Variants in ANK1 observed in about 807,000 individuals in gnomAD.
ANK1 encodes the protein ankyrin-1.
Under a neutral mutation model 210.4 loss-of-function variants are expected in ANK1, and 51 were observed. The observed-to-expected ratio is 0.24, with a 90% CI of 0.19 to 0.31. The LOEUF (loss-of-function observed/expected upper bound fraction) is 0.31, where lower values mean the gene tolerates loss of function less well. Ranked by LOEUF, ANK1 falls within the 10% of genes least tolerant of loss-of-function variation. ANK1 has a pLI of 1.00. For missense variants in ANK1, 2,051 were observed against 2,504.4 expected (o/e 0.82, Z 3.86); for synonymous variants, 967 against 1,025.9 (o/e 0.94, Z 1.10).
chr8:41,813,825 C>T (rs746166552), intron 1 of ANK1, among the ~76,000 whole-genome samples: 66 of 152,160 alleles, frequency 4.3e-4, no homozygotes, highest in Non-Finnish European at 1.3e-4. Flanking sequence ...AAGTGACATT[C>T]CTTACCCACC....
At chr8:41,745,194 C>G (rs551127313) in intron 2 of ANK1, among the ~76,000 whole-genome samples, 1 of 151,956 alleles carries the variant, frequency 6.6e-6, no homozygotes, top group African/African-American at 2.4e-5. Context: ...AGGAAGGAGG[C>G]ACAGAGAGAG....
chr8:41,715,671 G>C lies in ANK1; in HGVS notation c.1583C>G (p.Ser528Cys). The C allele has an allele frequency of 6.2e-7, 1 of 1,613,674 alleles. No homozygotes were observed. Among genetic ancestry groups the C allele is most frequent in the Non-Finnish European group, 8.5e-7 (1 of 1,179,994 alleles). ...TVLALLEKEASQACMTKKGFT... is the reference protein window; with the variant it reads ...TVLALLEKEACQACMTKKGFT... Reference sequence around the variant, plus strand: ...CTGTACCTTGGTCATGCAGGCCTGGGATGCTTCCTTTTCCAGAAGGGCCAG... The same window carrying C: ...CTGTACCTTGGTCATGCAGGCCTGGCATGCTTCCTTTTCCAGAAGGGCCAG... Residue 528 changes from serine (S) to cysteine (C), a missense_variant, in exon 14 of 43, where the codon TCC becomes TGC. Physicochemically the swap from Ser to Cys is moderately radical, Grantham distance 112. This residue lies in a region of ANK1 where 1,413 missense variants were observed against 1,707.4 expected (regional missense o/e 0.83). Transcript: ENST00000289734.
At chr8:41,757,124 A>G (rs1839347821) in intron 2 of ANK1, among the ~76,000 whole-genome samples, 1 of 152,218 alleles carries the variant, frequency 6.6e-6, no homozygotes, top group East Asian at 1.9e-4. Flanking sequence ...TGATGATTAC[A>G]GGATAATATG....
intron 26 of ANK1, 22 bp downstream of exon 26, chr8:41,696,341 C>G: frequency 6.2e-7 from 1 of 1,611,720 alleles, no homozygotes; most frequent in East Asian, 2.2e-5. Context: ...GGGGAGAACA[C>G]GGGCTGCCCG....
At chr8:41,744,874 T>C (rs872844) in intron 2 of ANK1, among the ~76,000 whole-genome samples, 78,023 of 152,062 alleles carry the variant, frequency 0.51, 21,604 homozygotes, top group East Asian at 0.77. Flanking sequence ...AGCATGGCCA[T>C]ATGGCCATGA....
chr8:41,824,563 G>A (rs925348893), intron 1 of ANK1, among the ~76,000 whole-genome samples: 33 of 152,234 alleles, frequency 2.2e-4, no homozygotes, highest in Admixed American at 2.1e-3. Flanking sequence ...CTGTGATTAA[G>A]CAAAACGGTG....
chr8:41,715,956 C>G, intron 13 of ANK1, 107 bp from the exon 14 acceptor site: 2 of 1,273,398 alleles, frequency 1.6e-6, no homozygotes, highest in Non-Finnish European at 2.2e-6. Context: ...AAGTGACCTT[C>G]TCAAGGTCAC....
rs568187235 is a variant in ANK1 at position 41,778,998 on chromosome 8, G to A, written c.27+18514C>T. 2.1e-4 allele frequency among the ~76,000 whole-genome samples: 32 copies of A among 152,276 alleles called. No individual in the cohort carries two copies. In the South Asian group the frequency reaches 3.7e-3, roughly 18 times the overall value. On this transcript the variant is annotated intron_variant, in intron 1 of 42. Coordinates refer to ENST00000289734, the MANE Select transcript of ANK1 (RefSeq NM_000037.4). ...GTGAGTGCTAAGAGGAAAATCAAAC[G>A]TGGAGTGGGGATGGAGAGGGCTGTG...
chr8:41,880,376 G>A (rs972642064), intron 1 of ANK1, among the ~76,000 whole-genome samples: 5 of 152,204 alleles, frequency 3.3e-5, no homozygotes, highest in African/African-American at 7.2e-5. Flanking sequence ...AATGGAACAC[G>A]GAAGAGGGAA....
intron 39 of ANK1, chr8:41,665,250 C>T: frequency 6.6e-7 from 1 of 1,510,092 alleles, no homozygotes; most frequent in South Asian, 1.2e-5. Flanking sequence ...GCCCTTCTGC[C>T]CAGCAGCCAG....
intron 1 of ANK1, among the ~76,000 whole-genome samples, chr8:41,763,869 C>T (rs13265346): frequency 0.2 from 17,148 of 86,540 alleles, 2,007 homozygotes; most frequent in Non-Finnish European, 0.23. Flanking sequence ...TTTCTTTCTT[C>T]TTTCTTTTTT....
chr8:41,677,880 G>A (rs1814701036), intron 37 of ANK1, among the ~76,000 whole-genome samples: 2 of 152,090 alleles, frequency 1.3e-5, no homozygotes, highest in South Asian at 4.1e-4. Context: ...GTGAACCACT[G>A]CACCTGGCCT....
intron 1 of ANK1, among the ~76,000 whole-genome samples, chr8:41,868,032 T>C (rs1489921239): frequency 6.6e-6 from 1 of 152,210 alleles, no homozygotes; most frequent in Non-Finnish European, 1.5e-5. Flanking sequence ...CTAATTTTTG[T>C]ATTTTTAGTA....
At chr8:41,680,178 A>G (rs959282144) in intron 37 of ANK1, among the ~76,000 whole-genome samples, 1 of 152,216 alleles carries the variant, frequency 6.6e-6, no homozygotes, top group African/African-American at 2.4e-5. Flanking sequence ...TTTGCGCCAC[A>G]GAACACTTGA....
At chr8:41,896,704 C>T (rs537937644) in exon 1 of ANK1, 4,657 of 339,998 alleles carry the variant, frequency 0.014, 56 homozygotes, top group Admixed American at 0.02. Context: ...GCTGCCGCCG[C>T]GGCCGGAGCT....
intron 1 of ANK1, among the ~76,000 whole-genome samples, chr8:41,837,702 T>C (rs1808036123): frequency 6.6e-6 from 1 of 151,998 alleles, no homozygotes; most frequent in South Asian, 2.1e-4. Flanking sequence ...TGAAACCCCA[T>C]GTCTACTAAA....
chr8:41,664,768 C>T (rs1809826419), intron 39 of ANK1: 1 of 1,567,840 alleles, frequency 6.4e-7, no homozygotes, highest in Non-Finnish European at 8.6e-7. Context: ...CCGGCGCCCA[C>T]ACCACCAGCC....
At position 41,813,019 on chromosome 8, in the gene ANK1, T is replaced by C. The variant is rs181765524; in HGVS notation, c.127-54882A>G. Reference sequence around the variant, plus strand: ...GAAACTGAGTTGGTAGTTTGTCCAATAACCCACCAAAGCGTCATTTCTATG... The same window carrying C: ...GAAACTGAGTTGGTAGTTTGTCCAACAACCCACCAAAGCGTCATTTCTATG... On this transcript the variant is annotated intron_variant, in intron 1 of 42. Transcript: ENST00000265709. Among the ~76,000 whole-genome samples the C allele has an allele frequency of 3.3e-5, 5 of 152,288 alleles. No homozygotes were observed. In the East Asian group the frequency reaches 7.7e-4, roughly 23 times the overall value.
At chr8:41,857,338 C>G (rs1812384847) in intron 1 of ANK1, among the ~76,000 whole-genome samples, 1 of 151,598 alleles carries the variant, frequency 6.6e-6, no homozygotes, top group Non-Finnish European at 1.5e-5. Flanking sequence ...TGGCTCATGC[C>G]TATAATCCCA....
Sources: gnomAD v4.1 joint callset for allele counts (sites outside exome capture counted in the v4.1 genomes callset) on GRCh38, gnomAD v4.1.1 for gene constraint, gnomAD v4.1.1 regional missense constraint, MANE v1.5 for transcripts, NCBI Gene and HGNC (gene_info 2026-07-23, HGNC 2026-07-21) for gene names.